IGSF10: variants seen among roughly 807,000 people sequenced by gnomAD.
IGSF10 encodes the protein calvaria mechanical force protein 608.
In IGSF10, 126 loss-of-function variants were observed where a neutral mutation model predicts 128.2. The observed-to-expected ratio is 0.98, with a 90% CI of 0.85 to 1.14. The LOEUF is 1.14. IGSF10 is among the 50% of genes most tolerant of loss of function. IGSF10 has a pLI of 0.00. For synonymous variants in IGSF10, 1,185 were observed against 1,146.2 expected (o/e 1.03, Z -0.68); for missense variants, 3,295 against 3,149.8 (o/e 1.05, Z -1.10).
At position 151,446,736 on chromosome 3, in the gene IGSF10, G is replaced by A. The variant is rs1343725718; in HGVS notation, c.3245C>T (p.Pro1082Leu). Residue 1082 changes from proline to leucine, a missense_variant, in exon 6 of 8, where the codon CCA (proline) becomes CTA (leucine). Pro to Leu is a moderately conservative substitution (Grantham distance 98). Coordinates refer to ENST00000282466, the MANE Select transcript of IGSF10 (RefSeq NM_178822.5). ...GGGGAAGGTGATGGGAGCAGCACTT[G>A]GAAAAGACAATGCTGCTGTGGCAGT... ...LTTATAALSF[P>L]SAAPITFPKA... is the part of the protein sequence containing the mutation. 9 of 1,614,062 alleles carry A rather than the reference G, an allele frequency of 5.6e-6. No homozygotes were observed. The highest frequency in any genetic ancestry group is 7.6e-6 in the Non-Finnish European group (9 of 1,180,044).
chr3:151,465,866 T>C (rs1722265296), upstream of IGSF10, among the ~76,000 whole-genome samples: 1 of 152,230 alleles, frequency 6.6e-6, no homozygotes, highest in African/African-American at 2.4e-5. Flanking sequence ...CTTAGGAATA[T>C]GCACCTGTAA....
At chr3:151,551,034 G>T in the IGSF10 span, among the ~76,000 whole-genome samples, 2 of 152,058 alleles carry the variant, frequency 1.3e-5, no homozygotes, top group Non-Finnish European at 2.9e-5. Flanking sequence ...GTTCAGTGTG[G>T]CCCCTGAAAA....
chr3:151,510,149 G>A, the IGSF10 span, among the ~76,000 whole-genome samples: 2 of 152,216 alleles, frequency 1.3e-5, no homozygotes, highest in Non-Finnish European at 2.9e-5. Context: ...GCATGCAGCT[G>A]GAGATCTGAG....
rs1397584619 is a variant in IGSF10, at chr3:151,437,049, A to G, written c.7512T>C (p.Tyr2504=). 1 of 1,614,054 alleles carries G rather than the reference A, an allele frequency of 6.2e-7. No homozygotes were observed. The highest frequency in any genetic ancestry group is 1.1e-5 in the South Asian group (1 of 91,084). The stretch of plus-strand genomic sequence containing the variant: ...CAACACTATTTTGAGCCTTACAGAT[A>G]TAGTTTCCTCTGTCATAAGCTGTTG... ...KEATAYDRGN[Y]ICKAQNSVGH... Residue 2504 remains tyrosine (Y), a synonymous_variant, in exon 8 of 8, where the codon TAT becomes TAC. Transcript: ENST00000282466.
chr3:151,461,309 C>T (rs992831373), upstream of IGSF10: 4 of 985,266 alleles, frequency 4.1e-6, no homozygotes, highest in African/African-American at 7.0e-5. Flanking sequence ...ACCTCTTCCA[C>T]CTGTTGACAG....
At chr3:151,532,195 A>G in the IGSF10 span, among the ~76,000 whole-genome samples, 3 of 152,002 alleles carry the variant, frequency 2.0e-5, no homozygotes, top group Non-Finnish European at 4.4e-5. Context: ...AATAGCCTAC[A>G]AACACCACAA....
the IGSF10 span, among the ~76,000 whole-genome samples, chr3:151,574,914 C>T: frequency 2.0e-5 from 3 of 152,192 alleles, no homozygotes; most frequent in Non-Finnish European, 2.9e-5. Flanking sequence ...TGTGGGTGTC[C>T]TTTTTGTTGA....
the IGSF10 span, among the ~76,000 whole-genome samples, chr3:151,617,447 G>T: frequency 4.3e-4 from 64 of 150,484 alleles, no homozygotes; most frequent in African/African-American, 1.5e-3. Flanking sequence ...GAATGGGAAT[G>T]CTTGTTCTAT....
chr3:151,445,874 A>G lies in IGSF10; in HGVS notation c.4107T>C (p.Thr1369=). The G allele has an allele frequency of 1.2e-6, 2 of 1,614,184 alleles. No homozygotes were observed. Among genetic ancestry groups the G allele is most frequent in the Non-Finnish European group, 1.7e-6 (2 of 1,180,026 alleles). ...NISPDQSSGF[T]TPTAMTPPVL... ...CAGGAGGTGTCATAGCAGTGGGTGT[A>G]GTGAAGCCAGAACTCTGGTCTGGAG... Residue 1369 remains threonine (T), a synonymous_variant, in exon 6 of 8, where the codon ACT becomes ACC. Transcript: ENST00000282466.
the IGSF10 span, among the ~76,000 whole-genome samples, chr3:151,600,281 G>A: frequency 1.3e-5 from 2 of 152,096 alleles, no homozygotes; most frequent in South Asian, 4.1e-4. Flanking sequence ...AATCTCAACA[G>A]TATAAAAAGA....
chr3:151,586,714 A>T, the IGSF10 span, among the ~76,000 whole-genome samples: 2 of 152,204 alleles, frequency 1.3e-5, no homozygotes, highest in Non-Finnish European at 2.9e-5. Flanking sequence ...AGATGCAAAT[A>T]CCTGGGTCCT....
the IGSF10 span, among the ~76,000 whole-genome samples, chr3:151,588,814 T>C: frequency 1.3e-5 from 2 of 152,066 alleles, no homozygotes; most frequent in South Asian, 4.1e-4. Context: ...GAATATCAAG[T>C]AAGTAAAATG....
rs767246486 is a variant in IGSF10, at chr3:151,443,614, G to GT, written c.5332dup (p.Thr1778AsnfsTer18). 3.8e-5 allele frequency: 61 copies of GT among 1,614,222 alleles called. No individual in the cohort carries two copies. The highest frequency in any genetic ancestry group is 1.6e-4 in the Middle Eastern group (1 of 6,062). On this transcript the variant is annotated frameshift_variant, in exon 7 of 8. Coordinates refer to ENST00000282466, the MANE Select transcript of IGSF10 (RefSeq NM_178822.5). LOFTEE classifies it high-confidence loss of function. ...AACTGTTTGGTTTGCAAGAATCCAG[G>GT]TAACTGTAGGGCTTGGCCTACCTTC...
At chr3:151,616,910 C>A in the IGSF10 span, among the ~76,000 whole-genome samples, 1 of 152,062 alleles carries the variant, frequency 6.6e-6, no homozygotes, top group African/African-American at 2.4e-5. Context: ...CTGGTAAGGG[C>A]CTTTTTACAG....
the IGSF10 span, among the ~76,000 whole-genome samples, chr3:151,535,355 G>C: frequency 6.6e-6 from 1 of 152,128 alleles, no homozygotes; most frequent in Non-Finnish European, 1.5e-5. Flanking sequence ...AATTAATGCA[G>C]AAACAGAAAA....
the IGSF10 span, among the ~76,000 whole-genome samples, chr3:151,553,629 T>A: frequency 6.8e-6 from 1 of 146,084 alleles, no homozygotes; most frequent in African/African-American, 2.5e-5. Context: ...TGTCTCTCTC[T>A]CTTTCTATAT....
At chr3:151,535,573 A>G in the IGSF10 span, among the ~76,000 whole-genome samples, 2 of 152,224 alleles carry the variant, frequency 1.3e-5, no homozygotes, top group East Asian at 3.8e-4. Context: ...AAACCTGCAC[A>G]TGTATGCTCT....
Position 151,437,650 on chromosome 3 carries a change from C to T in IGSF10, c.6911G>A (p.Arg2304Lys). The T allele has an allele frequency of 6.2e-7, 1 of 1,614,168 alleles. No homozygotes were observed. Among genetic ancestry groups the T allele is most frequent in the African/African-American group, 1.3e-5 (1 of 75,028 alleles). Reference sequence around the variant, plus strand: ...GATAAAGTCGGCTGAATCTGAAAGCCTCACATTCCTAATTTCCAAGGTTCC... The same window carrying T: ...GATAAAGTCGGCTGAATCTGAAAGCTTCACATTCCTAATTTCCAAGGTTCC... The part of the protein sequence containing the change: ...KNGTLEIRNV[R>K]LSDSADFICV... Residue 2304 changes from arginine (R) to lysine (K), a missense_variant, in exon 8 of 8, where the codon AGG (arginine) becomes AAG (lysine). Transcript: ENST00000282466.
the IGSF10 span, among the ~76,000 whole-genome samples, chr3:151,488,461 GA>G: frequency 6.6e-6 from 1 of 151,906 alleles, no homozygotes; most frequent in South Asian, 2.1e-4. Flanking sequence ...CACAGAATTA[GA>G]AAAAAAACTA....
Sources: allele counts gnomAD v4.1 joint callset (sites outside exome capture counted in the v4.1 genomes callset), GRCh38; gene constraint gnomAD v4.1.1; transcripts MANE v1.5; gene names NCBI Gene and HGNC (gene_info 2026-07-23, HGNC 2026-07-21).